The following STAG1 variants were observed in gnomAD, a reference collection of about 807,000 sequenced individuals.
STAG1 encodes cohesin subunit SA-1.
A neutral mutation model predicts 170.9 loss-of-function variants in STAG1; 26 were observed. That is an observed-to-expected ratio of 0.15 (90% confidence interval 0.11 to 0.21). The LOEUF is 0.21. Ranked by LOEUF, STAG1 falls within the 10% of genes least tolerant of loss-of-function variation. The pLI is 1.00. For synonymous variants in STAG1, 514 were observed against 497.7 expected (o/e 1.03, Z -0.44); for missense variants, 964 against 1,509.5 (o/e 0.64, Z 5.99).
At chr3:136,459,903 T>C (rs2089227082) in intron 13 of STAG1, among the ~76,000 whole-genome samples, 1 of 151,912 alleles carries the variant, frequency 6.6e-6, no homozygotes, top group East Asian at 1.9e-4. Context: ...ATCAAAAAAC[T>C]AGCAAAACTT....
At chr3:136,341,407 G>T in intron 31 of STAG1, 34 bp downstream of exon 31, 2 of 1,356,092 alleles carry the variant, frequency 1.5e-6, no homozygotes, top group Non-Finnish European at 2.1e-6. Flanking sequence ...TCACATAGTT[G>T]TTATGTTCTT....
chr3:136,369,353 G>A, intron 23 of STAG1, 71 bp from the exon 24 acceptor site: 3 of 1,274,802 alleles, frequency 2.4e-6, no homozygotes, highest in East Asian at 2.8e-5. Flanking sequence ...TAATGAAAAT[G>A]TATGAAATTA....
intron 7 of STAG1, among the ~76,000 whole-genome samples, chr3:136,514,966 T>G (rs1934278077): frequency 1.3e-5 from 2 of 151,952 alleles, no homozygotes; most frequent in Non-Finnish European, 2.9e-5. Context: ...ATGTAAATGA[T>G]GAGCTAATGG....
At chr3:136,653,487 AT>A (rs955700946) in intron 1 of STAG1, among the ~76,000 whole-genome samples, 4 of 152,076 alleles carry the variant, frequency 2.6e-5, no homozygotes, top group Admixed American at 2.0e-4. Flanking sequence ...TTTTTTTCTA[AT>A]TTTTTAACAC....
At chr3:136,405,145 G>A (rs2087440682) in intron 21 of STAG1, among the ~76,000 whole-genome samples, 1 of 149,888 alleles carries the variant, frequency 6.7e-6, no homozygotes, top group South Asian at 2.1e-4. Flanking sequence ...TTCAAAAAAT[G>A]AGCATTTAGA....
chr3:136,475,879 G>C (rs2089736418), intron 10 of STAG1, among the ~76,000 whole-genome samples: 1 of 152,092 alleles, frequency 6.6e-6, no homozygotes. Flanking sequence ...TTGCCTCTTT[G>C]GAAACATTTA....
intron 4 of STAG1, among the ~76,000 whole-genome samples, chr3:136,580,969 G>C (rs889327005): frequency 4.0e-5 from 6 of 151,604 alleles, no homozygotes; most frequent in African/African-American, 1.5e-4. Context: ...TTTTTTTCAA[G>C]TTGTTAATCA....
Position 136,433,647 on chromosome 3 carries a change from C to A in STAG1, c.1559G>T (p.Arg520Leu), listed in dbSNP as rs749698375. 6.2e-7 allele frequency: 1 copy of A among 1,609,906 alleles called. No individual in the cohort carries two copies. Among genetic ancestry groups the A allele is most frequent in the Admixed American group, 1.7e-5 (1 of 59,350 alleles). The change falls in exon 16 of 34, where the codon CGT (arginine) becomes CTT (leucine). Residue 520 changes from arginine to leucine, a missense_variant. Physicochemically the swap from Arg to Leu is moderately radical, Grantham distance 102. Transcript: ENST00000383202. ...TAGCTCTATAAGAGCACTCTCTTGA[C>A]GATCAGACATTGCTAAGGTAAAACA... ...PVQGEEAMSD[R>L]QESALIELMV...
chr3:136,554,969 A>T (rs1176925921), intron 5 of STAG1, among the ~76,000 whole-genome samples: 1 of 151,938 alleles, frequency 6.6e-6, no homozygotes, highest in East Asian at 1.9e-4. Flanking sequence ...CCATGTGTCA[A>T]GAAAAAGCTA....
At chr3:136,742,950 A>G (rs889507748) in intron 1 of STAG1, among the ~76,000 whole-genome samples, 9 of 152,218 alleles carry the variant, frequency 5.9e-5, no homozygotes, top group African/African-American at 2.2e-4. Context: ...GCTGGAAAGA[A>G]AGCAAAGCAG....
rs557253045 is a variant in STAG1, at chr3:136,528,295, C to T, written c.472-6878G>A. 1.4e-4 allele frequency among the ~76,000 whole-genome samples: 21 copies of T among 152,226 alleles called. 1 individual carries two copies. The South Asian group carries it at 2.7e-3, about 20-fold the overall frequency. ...GCCTCAGCAATGGCAGGCGACCCTC[C>T]CCCAGCCTTACTGCAGCCTTGCAGT... On this transcript the variant is annotated intron_variant, in intron 6 of 33. Coordinates refer to ENST00000383202, the MANE Select transcript of STAG1 (RefSeq NM_005862.3).
rs991094272 is a variant in STAG1, at chr3:136,348,888, A to G, written c.3271+270T>C. On this transcript the variant is annotated intron_variant, in intron 29 of 33. Coordinates refer to ENST00000383202, the MANE Select transcript of STAG1 (RefSeq NM_005862.3). Reference sequence around the variant, plus strand: ...ATATTTTAATGTATTAGAGGCATATAGTATGGGGATTGATTTTATAGACCT... The same window carrying G: ...ATATTTTAATGTATTAGAGGCATATGGTATGGGGATTGATTTTATAGACCT... 4 of 450,698 alleles carry G rather than the reference A, an allele frequency of 8.9e-6. No homozygotes were observed. The Admixed American group carries it at 1.5e-4, about 17-fold the overall frequency. The allele number at this position is 450,698 out of a possible 1,614,324, so 27.9% of individuals were successfully genotyped here.
At chr3:136,634,361 A>AAAAC (rs1047134936) in intron 1 of STAG1, among the ~76,000 whole-genome samples, 1 of 151,768 alleles carries the variant, frequency 6.6e-6, no homozygotes, top group Non-Finnish European at 1.5e-5. Context: ...TTCAGCCCCC[A>AAAAC]AAACAAACAA....
intron 4 of STAG1, among the ~76,000 whole-genome samples, chr3:136,600,913 A>C (rs533959161): frequency 1.2e-3 from 177 of 150,600 alleles, no homozygotes; most frequent in African/African-American, 2.5e-3. Flanking sequence ...TTGTTTGAGA[A>C]GAAGTCTTCC....
intron 21 of STAG1, among the ~76,000 whole-genome samples, chr3:136,413,400 A>T (rs2087683815): frequency 1.3e-5 from 2 of 151,356 alleles, no homozygotes; most frequent in African/African-American, 4.9e-5. Flanking sequence ...ATTGTTTTTT[A>T]AATTTATTTT....
At chr3:136,388,902 A>C (rs1481223315) in intron 22 of STAG1, among the ~76,000 whole-genome samples, 3 of 152,188 alleles carry the variant, frequency 2.0e-5, no homozygotes, top group African/African-American at 7.2e-5. Flanking sequence ...TGGTGGAGGA[A>C]ATCTCAAATC....
intron 14 of STAG1, among the ~76,000 whole-genome samples, chr3:136,445,054 T>C (rs1217665797): frequency 6.7e-6 from 1 of 150,362 alleles, no homozygotes; most frequent in Non-Finnish European, 1.5e-5. Context: ...GAGACGGGGT[T>C]ACCATGTTAC....
intron 3 of STAG1, among the ~76,000 whole-genome samples, chr3:136,613,313 C>CAAAAAAAAAAAAAAAAAAAAAAAAAAAAA (rs60449608): frequency 3.3e-5 from 2 of 59,762 alleles, no homozygotes; most frequent in Admixed American, 2.9e-4. Flanking sequence ...GACTCCGTCT[C>CAAAAAAAAAAAAAAAAAAAAAAAAAAAAA]AAAAAAAAAA....
chr3:136,738,757 T>C (rs946193741), intron 1 of STAG1, among the ~76,000 whole-genome samples: 2 of 152,198 alleles, frequency 1.3e-5, no homozygotes, highest in African/African-American at 2.4e-5. Context: ...GCAATGTATA[T>C]TGGATACTTG....
Sources: gnomAD v4.1 joint callset for allele counts (sites outside exome capture counted in the v4.1 genomes callset) on GRCh38, gnomAD v4.1.1 for gene constraint, MANE v1.5 for transcripts, NCBI Gene and HGNC (gene_info 2026-07-23, HGNC 2026-07-21) for gene names.